Variants in PKD1 observed in about 807,000 individuals in gnomAD.
The protein encoded by PKD1 is polycystin-1.
In PKD1, 81 loss-of-function variants were observed where a neutral mutation model predicts 361.7. The ratio of observed to expected loss-of-function variants is 0.22; its 90% confidence interval spans 0.19 to 0.27. The LOEUF (loss-of-function observed/expected upper bound fraction) is 0.27. Among genes scored for constraint, PKD1 ranks in the 10% least tolerant of loss-of-function variants. The probability of loss-of-function intolerance (pLI) is 1.00; values close to 1 mark genes in which losing one functional copy is unlikely to be tolerated. For synonymous variants in PKD1, 3,615 were observed against 2,818.3 expected (o/e 1.28, Z -8.95); for missense variants, 6,399 against 6,118.3 (o/e 1.05, Z -1.53).
At position 2,118,087 on chromosome 16, in the gene PKD1, G is replaced by A. The variant is rs765805524; in HGVS notation, c.905C>T (p.Ala302Val). The change falls in exon 5 of 46, where the codon GCC becomes GTC. Residue 302 changes from alanine (A) to valine (V), a missense_variant. Transcript: ENST00000262304. The surrounding 1 kb of genome is among the most constrained non-coding windows in gnomAD (Gnocchi z 6.0). The part of the protein sequence containing the change: ...FHIAAPLPVT[A>V]TRWDFGDGSA... ...GCCGTCTCCGAAGTCCCAGCGTGTG[G>A]CAGTGACAGGGAGCGGGGCAGCGAT... is the stretch of plus-strand genomic sequence containing the variant. 21 of 1,606,844 alleles carry A rather than the reference G, an allele frequency of 1.3e-5. No homozygotes were observed. The African/African-American group carries it at 2.8e-4, about 21-fold the overall frequency.
Position 2,093,659 on chromosome 16 carries a change from G to C in PKD1, c.10901C>G (p.Pro3634Arg), listed in dbSNP as rs564898622. 3 of 1,607,614 alleles carry C rather than the reference G, an allele frequency of 1.9e-6. No homozygotes were observed. Among genetic ancestry groups the C allele is most frequent in the African/African-American group, 2.7e-5 (2 of 74,818 alleles). Residue 3634 changes from proline to arginine, a missense_variant, in exon 37 of 46, where the codon CCG (proline) becomes CGG (arginine). Transcript: ENST00000262304. ...ACGTGCGCTCACAGGCGTCACAGCC[G>C]GGCTCTCTACCAGGGTGTCATCTTC... ...PDEDDTLVES[P>R]AVTPVSARVP...
At position 2,093,770 on chromosome 16, in the gene PKD1, C is replaced by T. The variant is rs551346733; in HGVS notation, c.10822-32G>A. ...AGGGGGTGGCTTCAGAGGGGTCCCC[C>T]GTGATGGAGGCCTGTAGCCTACCCC... On this transcript the variant is annotated intron_variant, in intron 36 of 45. Coordinates refer to ENST00000262304, the MANE Select transcript of PKD1 (RefSeq NM_001009944.3). 449 of 1,561,486 alleles carry T rather than the reference C, an allele frequency of 2.9e-4. 1 individual carries two copies. The South Asian group carries it at 4.7e-3, about 16-fold the overall frequency.
Position 2,094,149 on chromosome 16 carries a change from G to T in PKD1, c.10561C>A (p.Pro3521Thr). 4 of 1,599,408 alleles carry T rather than the reference G, an allele frequency of 2.5e-6. No individual in the cohort carries two copies. Among genetic ancestry groups the T allele is most frequent in the Non-Finnish European group, 3.4e-6 (4 of 1,173,002 alleles). Residue 3521 changes from proline (P) to threonine (T), a missense_variant, in exon 35 of 46, where the codon CCA (proline) becomes ACA (threonine). Pro to Thr is a conservative substitution (Grantham distance 38). Coordinates refer to ENST00000262304, the MANE Select transcript of PKD1 (RefSeq NM_001009944.3). The stretch of plus-strand genomic sequence containing the variant: ...TCCCAGTTCAGGCCTGGGCTGGGTG[G>T]CCCCAGCTCCCCCAGCCTCTGCAGC... ...LALQRLGELG[P>T]PSPGLNWEQP...
chr16:2,124,031 G>T (rs1001680709), intron 1 of PKD1, among the ~76,000 whole-genome samples: 1 of 152,304 alleles, frequency 6.6e-6, no homozygotes, highest in East Asian at 1.9e-4. Context: ...GGGCTCCTTA[G>T]CGGCTGCTGG....
Position 2,110,777 on chromosome 16 carries a change from C to G in PKD1, c.4390G>C (p.Glu1464Gln). The change falls in exon 15 of 46, where the codon GAG becomes CAG. Residue 1464 changes from glutamate (E) to glutamine (Q), a missense_variant. By Grantham distance (29) the Glu-to-Gln change is conservative. Transcript: ENST00000262304. Reference sequence around the variant, plus strand: ...TTGATGCTGGTGACCAGCACGGGCTCCTGCACCTCCACCAGGGCTGAGTCA... The same window carrying G: ...TTGATGCTGGTGACCAGCACGGGCTGCTGCACCTCCACCAGGGCTGAGTCA... ...ANDSALVEVQ[E>Q]PVLVTSIKVN... 1 of 1,610,980 alleles carries G rather than the reference C, an allele frequency of 6.2e-7. No individual in the cohort carries two copies. The highest frequency in any genetic ancestry group is 1.3e-5 in the African/African-American group (1 of 74,992).
chr16:2,103,377 C>T lies in PKD1; in HGVS notation c.8680G>A (p.Ala2894Thr), dbSNP rs568897373. ...ARGHRSSANS[A>T]NSVVVQPQAS... ...TGGGGCTGGACCACAACGGAGTTGG[C>T]GGAGTTGGCGGAGCTGCGGTGGCCC... The change falls in exon 23 of 46, where the codon GCC becomes ACC. Residue 2894 changes from alanine to threonine, a missense_variant. Physicochemically the swap from Ala to Thr is moderately conservative, Grantham distance 58. Coordinates refer to ENST00000262304, the MANE Select transcript of PKD1 (RefSeq NM_001009944.3). 5.9e-5 allele frequency: 95 copies of T among 1,601,478 alleles called. No homozygotes were observed. Among genetic ancestry groups the T allele is most frequent in the South Asian group, 4.1e-4 (37 of 90,974 alleles).
chr16:2,111,111 G>A lies in PKD1; in HGVS notation c.4056C>T (p.Ser1352=), dbSNP rs756229724. 35 of 1,610,812 alleles carry A rather than the reference G, an allele frequency of 2.2e-5. 1 individual carries two copies. Among genetic ancestry groups the A allele is most frequent in the Middle Eastern group, 2.2e-4 (1 of 4,612 alleles). ...GCACCAGCGCCAGGGGGAACGTGCCGCTCCGCGTGAAGTTGTGTGTCACCG... is the reference window on the plus strand; with the variant it reads ...GCACCAGCGCCAGGGGGAACGTGCCACTCCGCGTGAAGTTGTGTGTCACCG... ...CPTVTHNFTR[S]GTFPLALVLS... Residue 1352 remains serine (S), a synonymous_variant, in exon 15 of 46, where the codon AGC becomes AGT. Transcript: ENST00000262304.
At position 2,097,413 on chromosome 16, in the gene PKD1, C is replaced by G. The variant is rs889969250; in HGVS notation, c.10311G>C (p.Leu3437=). ...GCCCATGGCCCGCCTGGCCCCGTGCCAGCTGCCGCAGATTGCTACCCACAA... is the reference window on the plus strand; with the variant it reads ...GCCCATGGCCCGCCTGGCCCCGTGCGAGCTGCCGCAGATTGCTACCCACAA... The part of the protein sequence containing the change: ...PSIVGSNLRQ[L]ARGQAGHGLG... The change falls in exon 33 of 46, where the codon CTG becomes CTC. Residue 3437 remains leucine, a synonymous_variant. Transcript: ENST00000262304. The G allele has an allele frequency of 6.2e-7, 1 of 1,609,384 alleles. No homozygotes were observed. Among genetic ancestry groups the G allele is most frequent in the South Asian group, 1.1e-5 (1 of 91,062 alleles).
Position 2,090,689 on chromosome 16 carries a change from G to C in PKD1, c.12123C>G (p.Ala4041=), listed in dbSNP as rs777852678. The C allele has an allele frequency of 6.2e-7, 1 of 1,612,292 alleles. No homozygotes were observed. The highest frequency in any genetic ancestry group is 8.5e-7 in the Non-Finnish European group (1 of 1,179,946). The change falls in exon 44 of 46, where the codon GCC becomes GCG. Residue 4041 remains alanine (A), a synonymous_variant. Transcript: ENST00000262304. Reference sequence around the variant, plus strand: ...AGTCACCTACCAGGATGGCCAGCTGGGCGTAGGCTACCCCGAGCACCACCA... The same window carrying C: ...AGTCACCTACCAGGATGGCCAGCTGCGCGTAGGCTACCCCGAGCACCACCA... ...LGLVVLGVAY[A]QLAILLVSSC... is the part of the protein sequence containing the mutation.
chr16:2,097,029 G>A (rs908280938), intron 34 of PKD1, 119 bp downstream of exon 34: 1 of 724,964 alleles, frequency 1.4e-6, no homozygotes, highest in Middle Eastern at 3.7e-4. Context: ...AAGTGGTGCA[G>A]CCACAGCCCT....
chr16:2,115,666 A>G (rs545934316), intron 9 of PKD1, 41 bp from the exon 10 acceptor site: 7 of 1,584,580 alleles, frequency 4.4e-6, no homozygotes, highest in Middle Eastern at 4.6e-4. Flanking sequence ...ATTTGCCCAC[A>G]GGCCACCGTC....
At chr16:2,105,157 C>G (rs1031541918) in intron 21 of PKD1, among the ~76,000 whole-genome samples, 165 bp downstream of exon 21, 4 of 149,412 alleles carry the variant, frequency 2.7e-5, no homozygotes, top group East Asian at 2.0e-4. Flanking sequence ...CAGGACAGAA[C>G]GGCTGAGGCT....
intron 22 of PKD1, 82 bp downstream of exon 22, chr16:2,104,416 G>T: frequency 9.9e-7 from 1 of 1,009,712 alleles, no homozygotes; most frequent in South Asian, 1.4e-5. Context: ...TGGGGCAAAG[G>T]CGACGCGGTT....
At chr16:2,093,274 C>G (rs2091683694) in intron 37 of PKD1, 181 bp from the exon 38 acceptor site, 2 of 755,642 alleles carry the variant, frequency 2.6e-6, no homozygotes, top group Non-Finnish European at 4.4e-6. Flanking sequence ...CGGAACCCCA[C>G]CTGGGGGCAG....
At position 2,114,368 on chromosome 16, in the gene PKD1, G is replaced by A. The variant is rs142606648; in HGVS notation, c.2655C>T (p.Cys885=). The change falls in exon 11 of 46, where the codon TGC becomes TGT. Residue 885 remains cysteine (C), a synonymous_variant. Coordinates refer to ENST00000262304, the MANE Select transcript of PKD1 (RefSeq NM_001009944.3). ...ACAGGGTATCGTTGGTCTCCCAGGG[G>A]CAGCCGGGCACGAAGGTGGCCACCA... ...PALVATFVPG[C]PWETNDTLFS... 6.8e-4 allele frequency: 1,102 copies of A among 1,609,636 alleles called. 3 individuals carry two copies. The East Asian group carries it at 7.1e-3, about 10-fold the overall frequency.
chr16:2,111,139 G>T lies in PKD1; in HGVS notation c.4028C>A (p.Pro1343Gln). Residue 1343 changes from proline to glutamine, a missense_variant, in exon 15 of 46, where the codon CCG becomes CAG. Transcript: ENST00000262304. Reference sequence around the variant, plus strand: ...CCGCGTGAAGTTGTGTGTCACCGTCGGGCACCCCCGCACGGTCGTGTTGGA... The same window carrying T: ...CCGCGTGAAGTTGTGTGTCACCGTCTGGCACCCCCGCACGGTCGTGTTGGA... ...GSSNTTVRGC[P>Q]TVTHNFTRSG... The T allele has an allele frequency of 6.2e-7, 1 of 1,611,014 alleles. No homozygotes were observed. Among genetic ancestry groups the T allele is most frequent in the Non-Finnish European group, 8.5e-7 (1 of 1,179,742 alleles).
chr16:2,122,358 G>C (rs1215653096), intron 1 of PKD1, among the ~76,000 whole-genome samples: 1 of 152,210 alleles, frequency 6.6e-6, no homozygotes, highest in East Asian at 1.9e-4. Context: ...CTCCGGGAGG[G>C]GAGAGGATCT....
chr16:2,118,112 T>C lies in PKD1; in HGVS notation c.880A>G (p.Ile294Val), dbSNP rs780058314. The C allele has an allele frequency of 4.7e-5, 76 of 1,604,238 alleles. No individual in the cohort carries two copies. The highest frequency in any genetic ancestry group is 6.1e-5 in the Non-Finnish European group (72 of 1,177,420). Residue 294 changes from isoleucine to valine, a missense_variant, in exon 5 of 46, where the codon ATC becomes GTC. Ile to Val is a conservative substitution (Grantham distance 29). Transcript: ENST00000262304. The surrounding 1 kb of genome is among the most constrained non-coding windows in gnomAD (Gnocchi z 6.0). ...GCAGTGACAGGGAGCGGGGCAGCGA[T>C]GTGGAAGGCTGCTAGCTGGCCAGAG... ...LASGQLAAFH[I>V]AAPLPVTATR...
intron 38 of PKD1, 31 bp downstream of exon 38, chr16:2,092,923 G>A: frequency 6.2e-7 from 1 of 1,612,632 alleles, no homozygotes; most frequent in Non-Finnish European, 8.5e-7. Flanking sequence ...CTAAAGCCCA[G>A]AAGACAGACC....
Sources: allele counts gnomAD v4.1 joint callset (sites outside exome capture counted in the v4.1 genomes callset), GRCh38; gene constraint gnomAD v4.1.1; non-coding constraint Gnocchi (gnomAD v3.1); transcripts MANE v1.5; gene names NCBI Gene and HGNC (gene_info 2026-07-23, HGNC 2026-07-21).